Variants in TMCO6 observed in about 807,000 individuals in gnomAD.
TMCO6 encodes the protein transmembrane and coiled-coil domain-containing protein 6.
A neutral mutation model predicts 61.8 loss-of-function variants in TMCO6; 47 were observed. The observed-to-expected ratio is 0.76, with a 90% CI of 0.60 to 0.97. The LOEUF (loss-of-function observed/expected upper bound fraction) is 0.97, where lower values mean the gene tolerates loss of function less well. TMCO6 is among the 50% of genes least tolerant of loss of function. The pLI is 0.00. For synonymous variants in TMCO6, 261 were observed against 254.2 expected, an observed-to-expected ratio of 1.03 and a Z score of -0.25; for missense variants, 557 against 601.6, an observed-to-expected ratio of 0.93 and a Z score of 0.78.
downstream of TMCO6, chr5:140,646,973 T>C: frequency 2.8e-6 from 1 of 354,692 alleles, no homozygotes; most frequent in East Asian, 5.2e-5. Context: ...GAAACTATAT[T>C]GACTAACTTC....
chr5:140,615,482 A>C, the TMCO6 span, among the ~76,000 whole-genome samples: 3 of 152,166 alleles, frequency 2.0e-5, no homozygotes, highest in Admixed American at 2.0e-4. Flanking sequence ...CTGAATGACC[A>C]AAACAATCTT....
chr5:140,645,822 T>A, downstream of TMCO6: 1 of 1,378,512 alleles, frequency 7.3e-7, no homozygotes, highest in Non-Finnish European at 1.0e-6. Flanking sequence ...TTGGTATGCC[T>A]AGAATTAATA....
chr5:140,620,902 A>G, the TMCO6 span, among the ~76,000 whole-genome samples: 1 of 152,042 alleles, frequency 6.6e-6, no homozygotes, highest in Non-Finnish European at 1.5e-5. Context: ...AGTCCCAGCT[A>G]CTTGGAAGGC....
At chr5:140,630,705 G>A in the TMCO6 span, among the ~76,000 whole-genome samples, 1 of 152,226 alleles carries the variant, frequency 6.6e-6, no homozygotes, top group African/African-American at 2.4e-5. Flanking sequence ...ACATTCCAGT[G>A]AGTGTCCAGC....
chr5:140,630,029 G>A, the TMCO6 span, among the ~76,000 whole-genome samples: 253 of 148,840 alleles, frequency 1.7e-3, 1 homozygote, highest in Non-Finnish European at 2.8e-3. Context: ...TCACTCTTTC[G>A]CTCAGGCTGG....
chr5:140,635,362 G>T (rs996823337), upstream of TMCO6, among the ~76,000 whole-genome samples: 1 of 152,252 alleles, frequency 6.6e-6, no homozygotes, highest in East Asian at 1.9e-4. Context: ...AAATGGAGAT[G>T]ATAGTATTAC....
At chr5:140,626,937 A>T in the TMCO6 span, among the ~76,000 whole-genome samples, 1 of 152,220 alleles carries the variant, frequency 6.6e-6, no homozygotes, top group Admixed American at 6.5e-5. Flanking sequence ...GGAAAAATTG[A>T]ATACCCCTTT....
the TMCO6 span, among the ~76,000 whole-genome samples, chr5:140,618,619 G>C: frequency 6.6e-6 from 1 of 151,940 alleles, no homozygotes; most frequent in Non-Finnish European, 1.5e-5. Context: ...GTACCCAATA[G>C]TTATCTTTTC....
At chr5:140,605,985 C>A in the TMCO6 span, among the ~76,000 whole-genome samples, 2 of 151,952 alleles carry the variant, frequency 1.3e-5, no homozygotes, top group South Asian at 2.1e-4. Context: ...GTTGGCATAT[C>A]GTGTTCAAAA....
the TMCO6 span, among the ~76,000 whole-genome samples, chr5:140,611,630 A>G: frequency 6.6e-6 from 1 of 152,238 alleles, no homozygotes; most frequent in African/African-American, 2.4e-5. Context: ...CTCCTGGCAT[A>G]AATCCCAATT....
the TMCO6 span, among the ~76,000 whole-genome samples, chr5:140,627,273 G>A: frequency 0.015 from 2,218 of 152,074 alleles, 53 homozygotes; most frequent in African/African-American, 0.051. Flanking sequence ...TGGAGCCTAG[G>A]ACACCAGACA....
chr5:140,616,272 G>A, the TMCO6 span, among the ~76,000 whole-genome samples: 1 of 152,190 alleles, frequency 6.6e-6, no homozygotes, highest in Admixed American at 6.5e-5. Flanking sequence ...AACTTTTGTG[G>A]CCCAGGCATG....
chr5:140,631,774 T>C, the TMCO6 span: 1 of 1,315,198 alleles, frequency 7.6e-7, no homozygotes. Flanking sequence ...AGGGTTGAAT[T>C]GGTCGAAAAG....
At chr5:140,641,443 G>C (rs1757023348) in intron 2 of TMCO6, 1 of 541,752 alleles carries the variant, frequency 1.8e-6, no homozygotes, top group African/African-American at 1.9e-5. Flanking sequence ...AGGAAACTTA[G>C]GTTCAGGTCC....
At chr5:140,647,682 G>T (rs774801934), downstream of TMCO6, 2 of 1,474,434 alleles carry the variant, frequency 1.4e-6, no homozygotes, top group Non-Finnish European at 1.9e-6. Context: ...GCTGCATGAG[G>T]CAGGGGCGGG....
the TMCO6 span, among the ~76,000 whole-genome samples, chr5:140,617,360 G>A: frequency 6.6e-6 from 1 of 151,818 alleles, no homozygotes; most frequent in Non-Finnish European, 1.5e-5. Flanking sequence ...TCAGGAATTC[G>A]AGACCAGCCT....
At chr5:140,614,932 C>G in the TMCO6 span, among the ~76,000 whole-genome samples, 1 of 152,110 alleles carries the variant, frequency 6.6e-6, no homozygotes, top group Non-Finnish European at 1.5e-5. Flanking sequence ...TTTAACATAG[C>G]ACTGTAAGTC....
chr5:140,647,109 T>C, downstream of TMCO6: 1 of 905,638 alleles, frequency 1.1e-6, no homozygotes, highest in East Asian at 2.7e-5. Flanking sequence ...CGAATATAAA[T>C]TTCTTCATGG....
the TMCO6 span, among the ~76,000 whole-genome samples, chr5:140,601,970 A>C: frequency 6.6e-6 from 1 of 152,238 alleles, no homozygotes; most frequent in Non-Finnish European, 1.5e-5. Flanking sequence ...TAATTTAGGC[A>C]ACAAGATGTT....
Sources: allele counts gnomAD v4.1 joint callset (sites outside exome capture counted in the v4.1 genomes callset), GRCh38; gene constraint gnomAD v4.1.1; transcripts MANE v1.5; gene names NCBI Gene and HGNC (gene_info 2026-07-23, HGNC 2026-07-21).